The following PKD1L3 variants were observed in gnomAD, a reference collection of about 807,000 sequenced individuals.
The protein encoded by PKD1L3 is polycystin-1-like protein 3.
PKD1L3 carries 239 observed loss-of-function variants against 184.1 expected under a neutral mutation model. The observed-to-expected ratio is 1.30, with a 90% confidence interval of 1.17 to 1.45. PKD1L3 has a LOEUF of 1.45. Among genes scored for constraint, PKD1L3 ranks in the 40% most tolerant of loss-of-function variants. The pLI is 0.00. For synonymous variants in PKD1L3, 996 were observed against 778.8 expected (o/e 1.28, Z -4.64); for missense variants, 2,660 against 2,067.2 (o/e 1.29, Z -5.56).
At chr16:71,996,253 C>CTTTT (rs67457253) in intron 2 of PKD1L3, among the ~76,000 whole-genome samples, 6 of 67,896 alleles carry the variant, frequency 8.8e-5, no homozygotes, top group Non-Finnish European at 1.3e-4. Context: ...CCTCCCCCGC[C>CTTTT]TTTTTTTTTT....
At chr16:71,956,366 G>T (rs2039049265) in intron 16 of PKD1L3, among the ~76,000 whole-genome samples, 1 of 151,482 alleles carries the variant, frequency 6.6e-6, no homozygotes, top group Non-Finnish European at 1.5e-5. Context: ...GCTAATTTTT[G>T]TATTTTTAGT....
chr16:71,992,914 C>T (rs2040645738), intron 3 of PKD1L3, among the ~76,000 whole-genome samples: 1 of 152,168 alleles, frequency 6.6e-6, no homozygotes, highest in Non-Finnish European at 1.5e-5. Context: ...AGTGATAACA[C>T]CATAATTTGA....
chr16:71,981,061 C>G (rs2040131761), intron 7 of PKD1L3, among the ~76,000 whole-genome samples: 1 of 152,170 alleles, frequency 6.6e-6, no homozygotes, highest in African/African-American at 2.4e-5. Flanking sequence ...GACTTCATTC[C>G]TTTTTGTTGC....
In PKD1L3 at chr16:71,998,401, G is replaced by T. The variant is rs746408912; in HGVS notation, c.296-7C>A. 14 of 1,546,242 alleles carry T rather than the reference G, an allele frequency of 9.1e-6. No individual in the cohort carries two copies. The highest frequency in any genetic ancestry group is 1.2e-5 in the Non-Finnish European group (14 of 1,146,040). ...CCGTTGGCTGCAACGTCTGCTGAGG[G>T]GAGATCAGACGCAGATGAGCCTCAT... On this transcript the variant is annotated splice_polypyrimidine_tract_variant and splice_region_variant and intron_variant, in intron 1 of 29. Coordinates refer to ENST00000620267, the MANE Select transcript of PKD1L3 (RefSeq NM_181536.2).
At chr16:71,981,903 G>A (rs2040173447) in intron 7 of PKD1L3, among the ~76,000 whole-genome samples, 156 bp downstream of exon 7, 1 of 152,070 alleles carries the variant, frequency 6.6e-6, no homozygotes, top group Admixed American at 6.6e-5. Context: ...GGGTGGGGAG[G>A]GAGACCTTGG....
rs2040544513 is a variant in PKD1L3, at chr16:71,990,455, G to A, written c.536-126C>T. 2.0e-5 allele frequency: 14 copies of A among 702,212 alleles called. 1 individual carries two copies. Among genetic ancestry groups the A allele is most frequent in the Admixed American group, 8.1e-5 (3 of 37,038 alleles). 43.5% of individuals were successfully genotyped at this position (702,212 alleles called of 1,614,324 possible). On this transcript the variant is annotated intron_variant, in intron 3 of 29. Coordinates refer to ENST00000620267, the MANE Select transcript of PKD1L3 (RefSeq NM_181536.2). ...TTGTTTTACATAGAAAACCAAGGCC[G>A]GACATGGTAGCTCATGTCTGTAATC...
intron 16 of PKD1L3, among the ~76,000 whole-genome samples, chr16:71,956,882 C>T (rs12447423): frequency 0.26 from 39,088 of 152,020 alleles, 5,869 homozygotes; most frequent in East Asian, 0.65. Context: ...ATATAGATTG[C>T]AACTCTTCTG....
At chr16:71,944,694 G>GTTTTTTT (rs1274386722) in intron 22 of PKD1L3, among the ~76,000 whole-genome samples, 1 of 76,082 alleles carries the variant, frequency 1.3e-5, no homozygotes, top group African/African-American at 3.8e-5. Flanking sequence ...GACCATATCT[G>GTTTTTTT]TTTTTTGTTT....
chr16:71,981,431 T>G (rs2040148962), intron 7 of PKD1L3, among the ~76,000 whole-genome samples: 1 of 152,202 alleles, frequency 6.6e-6, no homozygotes, highest in Non-Finnish European at 1.5e-5. Flanking sequence ...CATTTTAGTT[T>G]TGATTTGCAT....
intron 3 of PKD1L3, among the ~76,000 whole-genome samples, chr16:71,990,577 CATA>C (rs909797450): frequency 5.3e-5 from 8 of 151,822 alleles, no homozygotes; most frequent in Non-Finnish European, 1.2e-4. Flanking sequence ...CTACTAAAAA[CATA>C]ATAATTAGCC....
rs529702714 is a variant in PKD1L3, at chr16:71,993,943, T to C, written c.419-611A>G. ...GCACGTGCCACCACGCCTAATTTTTTATTTTTAGTAGAAACGAGGTTTCAC... is the reference window on the plus strand; with the variant it reads ...GCACGTGCCACCACGCCTAATTTTTCATTTTTAGTAGAAACGAGGTTTCAC... On this transcript the variant is annotated intron_variant, in intron 2 of 29. Transcript: ENST00000620267. Among the ~76,000 whole-genome samples the C allele has an allele frequency of 2.6e-5, 4 of 152,258 alleles. No individual in the cohort carries two copies. The East Asian group carries it at 7.7e-4, about 29-fold the overall frequency.
In PKD1L3 at chr16:71,935,371, C is replaced by T. The variant is rs532380433; in HGVS notation, c.4600G>A (p.Asp1534Asn). Residue 1534 changes from aspartate (D) to asparagine (N), a missense_variant, in exon 26 of 30, where the codon GAT becomes AAT. Transcript: ENST00000620267. ...GCTTCCTCTCACCTGTCCTGGTCATCGCGGTATCGTGCCATGTTTTTCTTA... is the reference window on the plus strand; with the variant it reads ...GCTTCCTCTCACCTGTCCTGGTCATTGCGGTATCGTGCCATGTTTTTCTTA... ...LHKKNMARYR[D>N]DQDRFISFYE... The T allele has an allele frequency of 1.4e-5, 22 of 1,551,500 alleles. No homozygotes were observed. The highest frequency in any genetic ancestry group is 4.9e-5 in the East Asian group (2 of 40,924).
intron 15 of PKD1L3, among the ~76,000 whole-genome samples, chr16:71,964,221 G>A (rs543494270): frequency 6.7e-6 from 1 of 148,680 alleles, no homozygotes; most frequent in Non-Finnish European, 1.5e-5. Flanking sequence ...ACAACTATTC[G>A]GCAAACCTCC....
Position 71,951,575 on chromosome 16 carries a change from T to C in PKD1L3, c.3179A>G (p.His1060Arg), listed in dbSNP as rs1240190272. ...CTACTGAAGTTTACCACGTGCCCAG[T>C]GGCGCTCTCCCTGCTGATGACAGCC... is the stretch of plus-strand genomic sequence containing the variant. ...GQGCHQQGER[H>R]WARVVPENHH... The change falls in exon 19 of 30, where the codon CAC becomes CGC. Residue 1060 changes from histidine (H) to arginine (R), a missense_variant. Transcript: ENST00000620267. 4 of 1,550,392 alleles carry C rather than the reference T, an allele frequency of 2.6e-6. No individual in the cohort carries two copies. In the African/African-American group the frequency reaches 5.5e-5, roughly 21 times the overall value.
chr16:71,971,561 C>G (rs543123305), intron 12 of PKD1L3, among the ~76,000 whole-genome samples: 6 of 152,110 alleles, frequency 3.9e-5, no homozygotes, highest in Non-Finnish European at 8.8e-5. Flanking sequence ...GGGAAATATC[C>G]GATGCCTTCT....
chr16:71,968,075 TGAGG>T, intron 13 of PKD1L3, 68 bp from the exon 14 acceptor site: 1 of 1,282,344 alleles, frequency 7.8e-7, no homozygotes, highest in Non-Finnish European at 1.1e-6. Flanking sequence ...CTCCTCCAGC[TGAGG>T]AGCAGGAGGA....
At chr16:71,976,136 T>C (rs769506895) in intron 11 of PKD1L3, among the ~76,000 whole-genome samples, 2 of 151,842 alleles carry the variant, frequency 1.3e-5, no homozygotes, top group African/African-American at 2.4e-5. Flanking sequence ...TTAGGAGAGA[T>C]GGGGTTTCAC....
At chr16:71,940,753 G>C (rs1023027753) in intron 24 of PKD1L3, among the ~76,000 whole-genome samples, 1 of 152,096 alleles carries the variant, frequency 6.6e-6, no homozygotes, top group Non-Finnish European at 1.5e-5. Flanking sequence ...GCCTGCCTCG[G>C]CCTCCCAAAG....
intron 16 of PKD1L3, among the ~76,000 whole-genome samples, chr16:71,961,303 G>C (rs1469520684): frequency 6.6e-6 from 1 of 151,872 alleles, no homozygotes; most frequent in Non-Finnish European, 1.5e-5. Flanking sequence ...TTGTATTTTT[G>C]GTAGAGAAGG....
Sources: allele counts gnomAD v4.1 joint callset (sites outside exome capture counted in the v4.1 genomes callset), GRCh38; gene constraint gnomAD v4.1.1; transcripts MANE v1.5; gene names NCBI Gene and HGNC (gene_info 2026-07-23, HGNC 2026-07-21).